The following ZNF608 variants were observed in gnomAD, a reference collection of about 807,000 sequenced individuals.
ZNF608 encodes the protein renal carcinoma antigen NY-REN-36.
A neutral mutation model predicts 109.0 loss-of-function variants in ZNF608; 12 were observed. The observed-to-expected ratio is 0.11, with a 90% confidence interval of 0.07 to 0.18. The LOEUF (loss-of-function observed/expected upper bound fraction) is 0.18. Among genes scored for constraint, ZNF608 ranks in the 10% least tolerant of loss-of-function variants. ZNF608 has a pLI of 1.00. For synonymous variants in ZNF608, 732 were observed against 717.4 expected (o/e 1.02, Z -0.33); for missense variants, 1,707 against 1,879.3 (o/e 0.91, Z 1.70).
At chr5:124,651,420 C>T (rs1750767587) in intron 3 of ZNF608, among the ~76,000 whole-genome samples, 1 of 152,150 alleles carries the variant, frequency 6.6e-6, no homozygotes, top group Admixed American at 6.5e-5. Flanking sequence ...TTTGCAGCTG[C>T]TTAAAATTCT....
chr5:124,676,855 C>A (rs1265782457), intron 3 of ZNF608, among the ~76,000 whole-genome samples: 1 of 152,034 alleles, frequency 6.6e-6, no homozygotes, highest in Non-Finnish European at 1.5e-5. Context: ...CTAAGCAATG[C>A]ATTATTTAGG....
intron 2 of ZNF608, chr5:124,710,365 C>T (rs1375530925): frequency 2.7e-6 from 1 of 374,212 alleles, no homozygotes; most frequent in South Asian, 2.0e-5. Context: ...AAATTTTACA[C>T]ATTTGAATTA....
At chr5:124,728,757 T>C (rs1418762274) in intron 2 of ZNF608, among the ~76,000 whole-genome samples, 3 of 152,206 alleles carry the variant, frequency 2.0e-5, no homozygotes, top group Non-Finnish European at 2.9e-5. Context: ...ATATTTCCAC[T>C]CTAGTGCAAG....
At position 124,644,634 on chromosome 5, in the gene ZNF608, A is replaced by G. The variant is rs771841637; in HGVS notation, c.3733T>C (p.Tyr1245His). 6 of 1,568,936 alleles carry G rather than the reference A, an allele frequency of 3.8e-6. No individual in the cohort carries two copies. Residue 1245 changes from tyrosine to histidine, a missense_variant, in exon 6 of 10, where the codon TAT (tyrosine) becomes CAT (histidine). Around this residue, in one of 7 missense-constraint regions of ZNF608, gnomAD observed 1,073 missense variants for 1,133.5 expected, o/e 0.95. Coordinates refer to ENST00000513986, the MANE Select transcript of ZNF608 (RefSeq NM_020747.3). Reference sequence around the variant, plus strand: ...TCCAGATATTTGGGCTGGTATACATAATGATGCCATGTTCTTGAATCTGGG... The same window carrying G: ...TCCAGATATTTGGGCTGGTATACATGATGATGCCATGTTCTTGAATCTGGG... Reference protein sequence around the residue: ...QDPDSRTWHHYVYQPKYLDQQ... With the variant: ...QDPDSRTWHHHVYQPKYLDQQ...
At chr5:124,711,247 CTCTCT>C (rs1255025198) in intron 2 of ZNF608, among the ~76,000 whole-genome samples, 20 of 152,234 alleles carry the variant, frequency 1.3e-4, no homozygotes, top group Non-Finnish European at 2.6e-4. Flanking sequence ...CAGAGAGAAC[CTCTCT>C]TCTAACAGTT....
intron 2 of ZNF608, among the ~76,000 whole-genome samples, chr5:124,706,711 A>G (rs758424586): frequency 1.3e-4 from 20 of 152,220 alleles, no homozygotes; most frequent in Admixed American, 2.0e-4. Context: ...AGAGGAAAGC[A>G]GGAAAGCAGC....
intron 2 of ZNF608, among the ~76,000 whole-genome samples, chr5:124,743,784 C>G (rs973831297): frequency 1.3e-5 from 2 of 152,084 alleles, no homozygotes; most frequent in Non-Finnish European, 2.9e-5. Context: ...AGTGAGGAAC[C>G]GATCTACAGG....
intron 2 of ZNF608, among the ~76,000 whole-genome samples, chr5:124,731,347 G>A (rs1053257063): frequency 6.6e-6 from 1 of 152,022 alleles, no homozygotes; most frequent in Non-Finnish European, 1.5e-5. Flanking sequence ...AGTAGCTGGG[G>A]TTATAGGTGC....
Position 124,744,790 on chromosome 5 carries a change from C to T in ZNF608, c.200G>A (p.Gly67Asp), listed in dbSNP as rs1277033737. The T allele has an allele frequency of 6.2e-7, 1 of 1,614,232 alleles. No homozygotes were observed. The highest frequency in any genetic ancestry group is 8.5e-7 in the Non-Finnish European group (1 of 1,180,046). The change falls in exon 2 of 10, where the codon GGT becomes GAT. Residue 67 changes from glycine (G) to aspartate (D), a missense_variant. Gly to Asp is a moderately conservative substitution (Grantham distance 94). This residue lies in a region of ZNF608 where 407 missense variants were observed against 398.7 expected (regional missense o/e 1.02). Transcript: ENST00000513986. The surrounding 1 kb of genome is among the most constrained non-coding windows in gnomAD (Gnocchi z 4.5). ...TSSSNSKDCG[G>D]PASSGAGATA... The stretch of plus-strand genomic sequence containing the variant: ...AGCACCAGCCCCACTGGAGGCCGGA[C>T]CTCCACAATCCTTGGAGTTGCTGCT...
chr5:124,727,634 TAAA>T (rs1234573416), intron 2 of ZNF608, among the ~76,000 whole-genome samples: 1 of 21,048 alleles, frequency 4.8e-5, no homozygotes, highest in Admixed American at 4.6e-4. Flanking sequence ...AAAAGTCCCT[TAAA>T]AAAAAAAATC....
Position 124,736,579 on chromosome 5 carries a change from TA to T in ZNF608, c.906+7504del, listed in dbSNP as rs969395763. On this transcript the variant is annotated intron_variant, in intron 2 of 9. Coordinates refer to ENST00000513986, the MANE Select transcript of ZNF608 (RefSeq NM_020747.3). Reference sequence around the variant, plus strand: ...ATCCAAACACATGATGAGTGTAGTTTAAAAAAAAAAAAGTACATTTCCTCCA... The same window carrying T: ...ATCCAAACACATGATGAGTGTAGTTTAAAAAAAAAAAGTACATTTCCTCCA... Among the ~76,000 whole-genome samples, 169 of 146,284 alleles carry T rather than the reference TA, an allele frequency of 1.2e-3. 1 individual carries two copies. The highest frequency in any genetic ancestry group is 1.2e-3 in the African/African-American group (49 of 40,132).
chr5:124,668,379 A>G (rs530051913), intron 3 of ZNF608, among the ~76,000 whole-genome samples: 3 of 151,324 alleles, frequency 2.0e-5, no homozygotes, highest in Non-Finnish European at 4.4e-5. Flanking sequence ...TCTCAAAACA[A>G]AACAAAACAC....
intron 3 of ZNF608, among the ~76,000 whole-genome samples, chr5:124,692,737 G>A (rs921731005): frequency 1.6e-4 from 24 of 152,190 alleles, no homozygotes; most frequent in African/African-American, 5.8e-4. Flanking sequence ...TCCCCCACTT[G>A]CCAGGTGTGC....
intron 3 of ZNF608, among the ~76,000 whole-genome samples, chr5:124,695,747 C>A (rs759283767): frequency 1.3e-5 from 2 of 151,688 alleles, no homozygotes; most frequent in Admixed American, 1.3e-4. Context: ...CCAGCCTGAG[C>A]GATGAACTGA....
intron 9 of ZNF608, 96 bp downstream of exon 9, chr5:124,639,037 G>T: frequency 1.7e-6 from 2 of 1,171,526 alleles, no homozygotes; most frequent in South Asian, 2.7e-5. Context: ...AAAACCCAAG[G>T]AGTTAAGTTT....
In ZNF608 at chr5:124,746,617, A is replaced by G. The variant is rs1749650701; in HGVS notation, c.-606T>C. 3 of 985,206 alleles carry G rather than the reference A, an allele frequency of 3.0e-6. No homozygotes were observed. The South Asian group carries it at 1.4e-4, about 46-fold the overall frequency. The allele number at this position is 985,206 out of a possible 1,614,324, so 61.0% of individuals were successfully genotyped here. A position where few individuals can be genotyped will look rare whatever the true frequency, so the allele number is the denominator to read the frequency against. ...GATCAGTAATGATCCCATGTAGCAA[A>G]CCTACAGGCGTCCGCTAGTAACGAG... On this transcript the variant is annotated 5_prime_UTR_variant, in exon 1 of 10. Transcript: ENST00000513986.
rs1750644744 is a variant in ZNF608 at position 124,648,556 on chromosome 5, T to G, written c.1828A>C (p.Ser610Arg). 6.2e-7 allele frequency: 1 copy of G among 1,614,236 alleles called. No homozygotes were observed. Among genetic ancestry groups the G allele is most frequent in the Non-Finnish European group, 8.5e-7 (1 of 1,180,042 alleles). Residue 610 changes from serine (S) to arginine (R), a missense_variant, in exon 5 of 10, where the codon AGT (serine) becomes CGT (arginine). Ser to Arg is a moderately radical substitution (Grantham distance 110). This residue lies in a region of ZNF608 where 1,073 missense variants were observed against 1,133.5 expected (regional missense o/e 0.95). Transcript: ENST00000513986. Reference protein sequence around the residue: ...EGLSNVALECSEPSTSVSAYD... With the variant: ...EGLSNVALECREPSTSVSAYD... ...GCAGATACACTTGTGCTTGGCTCACTGCATTCAAGTGCCACATTACTCAAT... is the reference window on the plus strand; with the variant it reads ...GCAGATACACTTGTGCTTGGCTCACGGCATTCAAGTGCCACATTACTCAAT...
intron 7 of ZNF608, 56 bp downstream of exon 7, chr5:124,643,455 G>T: frequency 6.5e-7 from 1 of 1,545,076 alleles, no homozygotes; most frequent in Non-Finnish European, 8.9e-7. Flanking sequence ...TCTCTAGCTT[G>T]TTCCCCTTTC....
intron 3 of ZNF608, among the ~76,000 whole-genome samples, chr5:124,678,482 T>C (rs893123808): frequency 2.0e-5 from 3 of 152,192 alleles, no homozygotes; most frequent in African/African-American, 7.2e-5. Context: ...AAATGTAGTC[T>C]AAACAGACGG....
Sources: allele counts gnomAD v4.1 joint callset (sites outside exome capture counted in the v4.1 genomes callset), GRCh38; gene constraint gnomAD v4.1.1; regional missense constraint gnomAD v4.1.1; non-coding constraint Gnocchi (gnomAD v3.1); transcripts MANE v1.5; gene names NCBI Gene and HGNC (gene_info 2026-07-23, HGNC 2026-07-21).